AGT: variants seen among roughly 807,000 people sequenced by gnomAD.
The protein encoded by AGT is angiotensinogen.
A neutral mutation model predicts 28.1 loss-of-function variants in AGT; 26 were observed. The ratio of observed to expected loss-of-function variants is 0.92; its 90% CI spans 0.68 to 1.28. The LOEUF (loss-of-function observed/expected upper bound fraction) is 1.28, where lower values mean the gene tolerates loss of function less well. Among genes scored for constraint, AGT ranks in the 50% most tolerant of loss-of-function variants. AGT has a pLI of 0.00. For missense variants in AGT, 596 were observed against 592.3 expected (o/e 1.01, Z -0.06); for synonymous variants, 259 against 259.6 (o/e 1.00, Z 0.02).
In AGT at chr1:230,710,488, G is replaced by C. The variant is rs747055984; in HGVS notation, c.336C>G (p.His112Gln). The C allele has an allele frequency of 6.2e-7, 1 of 1,614,102 alleles. No individual in the cohort carries two copies. The highest frequency in any genetic ancestry group is 1.3e-5 in the African/African-American group (1 of 74,942). The change falls in exon 2 of 5, where the codon CAC (histidine) becomes CAG (glutamine). Residue 112 changes from histidine to glutamine, a missense_variant. Coordinates refer to ENST00000366667, the MANE Select transcript of AGT (RefSeq NM_001384479.1). Reference sequence around the variant, plus strand: ...CATGGACCACGCCCCATAGCTCACTGTGCATGCCATATATACGGAAGCCCA... The same window carrying C: ...CATGGACCACGCCCCATAGCTCACTCTGCATGCCATATATACGGAAGCCCA... ...NFLGFRIYGM[H>Q]SELWGVVHGA...
At chr1:230,731,813 A>G (rs545979730) in intron 1 of AGT, among the ~76,000 whole-genome samples, 25 of 152,212 alleles carry the variant, frequency 1.6e-4, no homozygotes, top group African/African-American at 6.0e-4. Context: ...GTTGCAACGA[A>G]CCAAGATCAT....
intron 2 of AGT, 140 bp downstream of exon 2, chr1:230,709,855 C>T: frequency 1.6e-6 from 2 of 1,290,158 alleles, no homozygotes; most frequent in Admixed American, 1.7e-5. Flanking sequence ...GGAGCAGCCA[C>T]TTCCCCACTT....
Position 230,703,072 on chromosome 1 carries a change from G to A in AGT, c.*69C>T, listed in dbSNP as rs1663276430. On this transcript the variant is annotated 3_prime_UTR_variant, in exon 5 of 5. Coordinates refer to ENST00000366667, the MANE Select transcript of AGT (RefSeq NM_001384479.1). Reference sequence around the variant, plus strand: ...GCTGATTTGTCCGGGGTTGTTATCTGCTGCTGGCCTTTGCCTCAAAGGCCA... The same window carrying A: ...GCTGATTTGTCCGGGGTTGTTATCTACTGCTGGCCTTTGCCTCAAAGGCCA... The A allele has an allele frequency of 1.3e-6, 2 of 1,546,676 alleles. No homozygotes were observed. Among genetic ancestry groups the A allele is most frequent in the Non-Finnish European group, 1.8e-6 (2 of 1,124,818 alleles).
chr1:230,720,283 A>G (rs1663817948), intron 1 of AGT, among the ~76,000 whole-genome samples: 1 of 152,160 alleles, frequency 6.6e-6, no homozygotes. Flanking sequence ...TCAGCATTTG[A>G]GCAAGTTGTT....
At chr1:230,727,941 G>T (rs1031291542) in intron 1 of AGT, among the ~76,000 whole-genome samples, 2 of 152,178 alleles carry the variant, frequency 1.3e-5, no homozygotes, top group African/African-American at 2.4e-5. Context: ...ACCTGAACAG[G>T]ACACCAGAGT....
At position 230,703,416 on chromosome 1, in the gene AGT, G is replaced by A; in HGVS notation, c.1243-87C>T. ...GGCTAGAGGGCCGGGGTGGGCTCAGGACCTCTGTGCTGTGCACTGTCCTGG... is the reference window on the plus strand; with the variant it reads ...GGCTAGAGGGCCGGGGTGGGCTCAGAACCTCTGTGCTGTGCACTGTCCTGG... On this transcript the variant is annotated intron_variant, in intron 4 of 4. Transcript: ENST00000366667. 4.9e-6 allele frequency: 7 copies of A among 1,417,766 alleles called. No individual in the cohort carries two copies. The South Asian group carries it at 8.2e-5, about 17-fold the overall frequency. The allele number at this position is 1,417,766 out of a possible 1,614,324, so 87.8% of individuals were successfully genotyped here.
In AGT at chr1:230,706,361, G is replaced by T. The variant is rs13306154; in HGVS notation, c.830-161C>A. Among the ~76,000 whole-genome samples, 10 of 152,240 alleles carry T rather than the reference G, an allele frequency of 6.6e-5. No individual in the cohort carries two copies. In the East Asian group the frequency reaches 1.9e-3, roughly 30 times the overall value. ...TCTGCATTCTCCTGGCCACAGGACC[G>T]CAAGTGTGGCTCAAATATTTCTCCT... On this transcript the variant is annotated intron_variant, in intron 2 of 4. Transcript: ENST00000366667.
intron 1 of AGT, among the ~76,000 whole-genome samples, chr1:230,721,609 T>C (rs1663844622): frequency 6.6e-6 from 1 of 152,218 alleles, no homozygotes; most frequent in Admixed American, 6.5e-5. Context: ...TAGAGACTTG[T>C]TGAATGGTTT....
chr1:230,704,310 C>T lies in AGT; in HGVS notation c.1125G>A (p.Leu375=), dbSNP rs113943893. The T allele has an allele frequency of 6.2e-7, 1 of 1,614,218 alleles. No homozygotes were observed. The highest frequency in any genetic ancestry group is 1.3e-5 in the African/African-American group (1 of 75,060). ...GCAGGTCATAAGATCCTTGCAGCAC[C>T]AGTTGGGGCATGGTCAGGTGGATGG... ...PRTIHLTMPQ[L]VLQGSYDLQD... The change falls in exon 4 of 5, where the codon CTG becomes CTA. Residue 375 remains leucine, a synonymous_variant. Transcript: ENST00000366667.
chr1:230,722,155 G>C (rs1376064759), intron 1 of AGT, among the ~76,000 whole-genome samples: 2 of 152,376 alleles, frequency 1.3e-5, no homozygotes, highest in African/African-American at 4.8e-5. Context: ...AAGGGGCCAA[G>C]GTACAGCTCA....
chr1:230,735,264 G>T (rs1360636898), intron 1 of AGT, among the ~76,000 whole-genome samples: 2 of 152,078 alleles, frequency 1.3e-5, no homozygotes, highest in East Asian at 3.9e-4. Flanking sequence ...GCGGGAGAAG[G>T]GGGCACAGTG....
chr1:230,730,874 A>C (rs1331483006), intron 1 of AGT, among the ~76,000 whole-genome samples: 1 of 152,238 alleles, frequency 6.6e-6, no homozygotes, highest in Non-Finnish European at 1.5e-5. Context: ...CATTAAAATT[A>C]GACATCAATC....
chr1:230,740,304 A>G (rs111917843), intron 1 of AGT, among the ~76,000 whole-genome samples: 1 of 151,904 alleles, frequency 6.6e-6, no homozygotes, highest in African/African-American at 2.4e-5. Flanking sequence ...ATCTTGTTTT[A>G]TTTATCAGTG....
At chr1:230,724,566 G>T (rs889415934) in intron 1 of AGT, among the ~76,000 whole-genome samples, 1 of 150,972 alleles carries the variant, frequency 6.6e-6, no homozygotes, top group African/African-American at 2.4e-5. Context: ...GCTCACACCT[G>T]TAATACCAGC....
At chr1:230,713,693 G>C (rs1465600191) in intron 1 of AGT, among the ~76,000 whole-genome samples, 1 of 152,110 alleles carries the variant, frequency 6.6e-6, no homozygotes, top group Non-Finnish European at 1.5e-5. Flanking sequence ...ATCCCAGCTG[G>C]AGACTGACCG....
chr1:230,718,722 C>CTTTTTTTTTTTTTTTTTTTT (rs1228887131), upstream of AGT, among the ~76,000 whole-genome samples: 11 of 118,496 alleles, frequency 9.3e-5, 1 homozygote, highest in African/African-American at 3.8e-4. Context: ...TTCCACACCG[C>CTTTTTTTTTTTTTTTTTTTT]TTTTTTTTTT....
chr1:230,737,416 A>T (rs944591438), intron 1 of AGT, among the ~76,000 whole-genome samples: 1 of 152,066 alleles, frequency 6.6e-6, no homozygotes, highest in Non-Finnish European at 1.5e-5. Flanking sequence ...GGTTCAAGCG[A>T]TTCCCTGGCC....
intron 1 of AGT, among the ~76,000 whole-genome samples, chr1:230,722,582 G>T (rs1172520671): frequency 6.6e-6 from 1 of 152,254 alleles, no homozygotes; most frequent in Non-Finnish European, 1.5e-5. Flanking sequence ...GCTGCCCAAG[G>T]CCATGGGACC....
upstream of AGT, among the ~76,000 whole-genome samples, chr1:230,715,397 T>C (rs964507721): frequency 2.0e-5 from 3 of 152,160 alleles, no homozygotes; most frequent in Non-Finnish European, 2.9e-5. Flanking sequence ...TCGGGCCAGG[T>C]ACAGTGCCTC....
Sources: gnomAD v4.1 joint callset for allele counts (sites outside exome capture counted in the v4.1 genomes callset) on GRCh38, gnomAD v4.1.1 for gene constraint, MANE v1.5 for transcripts, NCBI Gene and HGNC (gene_info 2026-07-23, HGNC 2026-07-21) for gene names.